Variants in NR1D1 observed in about 807,000 individuals in gnomAD.
NR1D1 encodes nuclear receptor subfamily 1 group D member 1, also known as Rev-ErbAalpha.
A neutral mutation model predicts 51.1 loss-of-function variants in NR1D1; 17 were observed. The ratio of observed to expected loss-of-function variants is 0.33; its 90% CI spans 0.23 to 0.50. The LOEUF (loss-of-function observed/expected upper bound fraction) is 0.50. NR1D1 is among the 20% of genes least tolerant of loss of function. The probability of loss-of-function intolerance (pLI) is 0.98; values close to 1 mark genes in which losing one functional copy is unlikely to be tolerated. For missense variants in NR1D1, 647 were observed against 830.4 expected (o/e 0.78, Z 2.71); for synonymous variants, 341 against 333.4 (o/e 1.02, Z -0.25).
Position 40,092,912 on chromosome 17 carries a change from G to A in NR1D1, c.*171C>T. 1 of 1,458,732 alleles carries A rather than the reference G, an allele frequency of 6.9e-7. No homozygotes were observed. 90.4% of individuals were successfully genotyped at this position (1,458,732 alleles called of 1,614,324 possible). A position where few individuals can be genotyped will look rare whatever the true frequency, so the allele number is the denominator to read the frequency against. On this transcript the variant is annotated 3_prime_UTR_variant, in exon 8 of 8. Transcript: ENST00000246672. ...GAGGGGAAGTTCGGTGATGGGGGAG[G>A]GAGGCAGGTATTTACAAGAAGGCTC... is the stretch of plus-strand genomic sequence containing the variant.
At chr17:40,099,997 T>G in intron 1 of NR1D1, 67 bp downstream of exon 1, 1 of 1,189,724 alleles carries the variant, frequency 8.4e-7, no homozygotes, top group Non-Finnish European at 1.3e-6. Context: ...TTCCTCTTTT[T>G]ATAAGGCGTA....
At chr17:40,094,890 C>G in intron 6 of NR1D1, 45 bp downstream of exon 6, 6 of 1,595,214 alleles carry the variant, frequency 3.8e-6, no homozygotes, top group Non-Finnish European at 4.3e-6. Flanking sequence ...AAGCGAAACT[C>G]TGTCTCAAAA....
In NR1D1 at chr17:40,093,726, C is replaced by T; in HGVS notation, c.1645+186G>A. The T allele has an allele frequency of 1.6e-6, 1 of 640,168 alleles. No homozygotes were observed. Among genetic ancestry groups the T allele is most frequent in the East Asian group, 2.7e-5 (1 of 36,594 alleles). The allele number at this position is 640,168 out of a possible 1,614,324, so 39.7% of individuals were successfully genotyped here. On this transcript the variant is annotated intron_variant, in intron 7 of 7. Coordinates refer to ENST00000246672, the MANE Select transcript of NR1D1 (RefSeq NM_021724.5). This position sits in a 1 kb window ranked among gnomAD's most constrained non-coding sequence, Gnocchi z 5.9. ...TCCTTGGTTCATGCTTCTACTGTGA[C>T]ACTTATCTCACTGTTTTATAATTAG...
At position 40,092,928 on chromosome 17, in the gene NR1D1, A is replaced by G. The variant is rs1476351778; in HGVS notation, c.*155T>C. On this transcript the variant is annotated 3_prime_UTR_variant, in exon 8 of 8. Transcript: ENST00000246672. ...ATGGGGGAGGGAGGCAGGTATTTAC[A>G]AGAAGGCTCAGGGGGCCAGAGGCTC... 14 of 1,508,856 alleles carry G rather than the reference A, an allele frequency of 9.3e-6. No homozygotes were observed. Among genetic ancestry groups the G allele is most frequent in the Non-Finnish European group, 1.2e-5 (14 of 1,128,096 alleles). The allele number at this position is 1,508,856 out of a possible 1,614,324, so 93.5% of individuals were successfully genotyped here. A position where few individuals can be genotyped will look rare whatever the true frequency, so the allele number is the denominator to read the frequency against.
In NR1D1 at chr17:40,096,232, G is replaced by A. The variant is rs561069941; in HGVS notation, c.605-145C>T. The A allele has an allele frequency of 5.2e-6, 7 of 1,345,424 alleles. No individual in the cohort carries two copies. The South Asian group carries it at 7.1e-5, about 14-fold the overall frequency. 83.3% of individuals were successfully genotyped at this position (1,345,424 alleles called of 1,614,324 possible). A position where few individuals can be genotyped will look rare whatever the true frequency, so the allele number is the denominator to read the frequency against. On this transcript the variant is annotated intron_variant, in intron 4 of 7. Transcript: ENST00000246672. Reference sequence around the variant, plus strand: ...CCAGCAAGTCCCCACCCATCAAGGGGGTTTCCCTAGGAGGGATTGCTGGTA... The same window carrying A: ...CCAGCAAGTCCCCACCCATCAAGGGAGTTTCCCTAGGAGGGATTGCTGGTA...
chr17:40,100,561 A>G lies in NR1D1; in HGVS notation c.-467T>C. On this transcript the variant is annotated 5_prime_UTR_variant, in exon 1 of 8. Transcript: ENST00000246672. ...AAAGAGGCGAGACGTGTGCCCTGCT[A>G]CGTTCCCTCGGCAGTAATATTTCAC... is the stretch of plus-strand genomic sequence containing the variant. The G allele has an allele frequency of 4.7e-6, 2 of 428,584 alleles. No individual in the cohort carries two copies. The highest frequency in any genetic ancestry group is 8.3e-6 in the Non-Finnish European group (2 of 242,220). The allele number at this position is 428,584 out of a possible 1,614,324, so 26.5% of individuals were successfully genotyped here. A position where few individuals can be genotyped will look rare whatever the true frequency, so the allele number is the denominator to read the frequency against.
chr17:40,095,456 CTTT>C lies in NR1D1; in HGVS notation c.1233_1235del (p.Lys412del), dbSNP rs2145100789. ...CCCATGCCCTTACCAGCAGAACATT[CTTT>C]GAGTTGCCCTGCCGGGGACTGTTGG... On this transcript the variant is annotated inframe_deletion, in exon 5 of 8. Coordinates refer to ENST00000246672, the MANE Select transcript of NR1D1 (RefSeq NM_021724.5). The C allele has an allele frequency of 6.5e-7, 1 of 1,526,738 alleles. No individual in the cohort carries two copies. Among genetic ancestry groups the C allele is most frequent in the South Asian group, 1.3e-5 (1 of 77,306 alleles). 94.6% of individuals were successfully genotyped at this position (1,526,738 alleles called of 1,614,324 possible).
At chr17:40,097,660 C>T (rs1987791994) in intron 1 of NR1D1, among the ~76,000 whole-genome samples, 1 of 152,236 alleles carries the variant, frequency 6.6e-6, no homozygotes, top group Non-Finnish European at 1.5e-5. Context: ...TGGCATCTCG[C>T]ATATGTGCCC....
rs145435357 is a variant in NR1D1 at position 40,095,661 on chromosome 17, T to G, written c.1031A>C (p.Asn344Thr). The G allele has an allele frequency of 9.6e-4, 1,554 of 1,611,968 alleles. 3 individuals are homozygous for G. The highest frequency in any genetic ancestry group is 1.1e-3 in the Non-Finnish European group (1,327 of 1,178,592). The change falls in exon 5 of 8, where the codon AAC becomes ACC. Residue 344 changes from asparagine to threonine, a missense_variant. Around this residue, in one of 7 missense-constraint regions of NR1D1, gnomAD observed 185 missense variants for 176.3 expected, o/e 1.05. Transcript: ENST00000246672. ...QGCPPAPNDN[N>T]TLAAQRHNEA... is the part of the protein sequence containing the mutation. ...GTTATGACGCTGGGCAGCCAAGGTG[T>G]TGTTGTCATTGGGGGCAGGTGGGCA... is the stretch of plus-strand genomic sequence containing the variant.
chr17:40,095,546 G>A lies in NR1D1; in HGVS notation c.1146C>T (p.Asn382=), dbSNP rs760024291. ...TGGGGCATAGACGGTGCCCGTTGCTGTTGGACTGGTGGCAGCTGTGGTGTG... is the reference window on the plus strand; with the variant it reads ...TGGGGCATAGACGGTGCCCGTTGCTATTGGACTGGTGGCAGCTGTGGTGTG... ...GPAHHSCHQS[N]SNGHRLCPTH... Residue 382 remains asparagine (N), a synonymous_variant, in exon 5 of 8, where the codon AAC becomes AAT. Transcript: ENST00000246672. The A allele has an allele frequency of 2.5e-6, 4 of 1,606,440 alleles. No individual in the cohort carries two copies. Among genetic ancestry groups the A allele is most frequent in the South Asian group, 2.2e-5 (2 of 90,006 alleles).
Position 40,093,876 on chromosome 17 carries a change from G to C in NR1D1, c.1645+36C>G. On this transcript the variant is annotated intron_variant, in intron 7 of 7. Coordinates refer to ENST00000246672, the MANE Select transcript of NR1D1 (RefSeq NM_021724.5). This position sits in a 1 kb window ranked among gnomAD's most constrained non-coding sequence, Gnocchi z 5.9. ...AGGTGTGTTGAATTGAACTGCGTCT[G>C]CCTCCTCCCCCGGGTCAGGCGAGAG... is the stretch of plus-strand genomic sequence containing the variant. 6.3e-7 allele frequency: 1 copy of C among 1,596,132 alleles called. No homozygotes were observed. Among genetic ancestry groups the C allele is most frequent in the Admixed American group, 1.7e-5 (1 of 59,876 alleles).
chr17:40,094,021 GCCCAT>G lies in NR1D1; in HGVS notation c.1531_1535del (p.Met511HisfsTer142), dbSNP rs1987692011. ...ACATGGCACTGAGCAGGTCTCCCAT[GCCCAT>G]GGCACCAAGCTCCTGCAGGCTGTAG... On this transcript the variant is annotated frameshift_variant, in exon 7 of 8. Coordinates refer to ENST00000246672, the MANE Select transcript of NR1D1 (RefSeq NM_021724.5). LOFTEE classifies it high-confidence loss of function. 1 of 1,613,966 alleles carries G rather than the reference GCCCAT, an allele frequency of 6.2e-7. No individual in the cohort carries two copies.
rs201672518 is a variant in NR1D1, at chr17:40,100,459, G to A, written c.-365C>T. On this transcript the variant is annotated 5_prime_UTR_variant, in exon 1 of 8. Transcript: ENST00000246672. ...CGGGGTGGCGAATCTGGAGCTCCCG[G>A]TGCAAAAGTCCCAGAGGAAGAGAGG... The A allele has an allele frequency of 4.3e-6, 2 of 463,784 alleles. No individual in the cohort carries two copies. The highest frequency in any genetic ancestry group is 7.6e-6 in the Non-Finnish European group (2 of 261,964). The allele number at this position is 463,784 out of a possible 1,614,324, so 28.7% of individuals were successfully genotyped here.
Position 40,095,536 on chromosome 17 carries a change from G to A in NR1D1, c.1156C>T (p.His386Tyr), listed in dbSNP as rs1194993538. Reference protein sequence around the residue: ...HSCHQSNSNGHRLCPTHVYAA... With the variant: ...HSCHQSNSNGYRLCPTHVYAA... ...TACACGTGGGTGGGGCATAGACGGT[G>A]CCCGTTGCTGTTGGACTGGTGGCAG... is the stretch of plus-strand genomic sequence containing the variant. The change falls in exon 5 of 8, where the codon CAC becomes TAC. Residue 386 changes from histidine to tyrosine, a missense_variant. Transcript: ENST00000246672. The A allele has an allele frequency of 1.2e-6, 2 of 1,602,658 alleles. No homozygotes were observed. The highest frequency in any genetic ancestry group is 2.2e-5 in the East Asian group (1 of 44,726).
rs200661266 is a variant in NR1D1, at chr17:40,097,094, G to A, written c.341C>T (p.Ser114Phe). The A allele has an allele frequency of 1.2e-6, 2 of 1,604,652 alleles. No homozygotes were observed. Among genetic ancestry groups the A allele is most frequent in the Admixed American group, 3.4e-5 (2 of 58,778 alleles). The change falls in exon 2 of 8, where the codon TCC becomes TTC. Residue 114 changes from serine to phenylalanine, a missense_variant. Transcript: ENST00000246672. The part of the protein sequence containing the change: ...QVAMEDSSRV[S>F]PSKSTSNITK... ...GATGTTGCTGGTGCTCTTGCTGGGG[G>A]ACACTCGGCTGCTGTCCTCCATGGC...
chr17:40,092,835 C>T lies in NR1D1; in HGVS notation c.*248G>A, dbSNP rs1987632916. On this transcript the variant is annotated 3_prime_UTR_variant, in exon 8 of 8. Transcript: ENST00000246672. Reference sequence around the variant, plus strand: ...GATTTGAGACAGGAACAGAACAAATCAGAGGGCCAGGGGAGGGTTGTGGGG... The same window carrying T: ...GATTTGAGACAGGAACAGAACAAATTAGAGGGCCAGGGGAGGGTTGTGGGG... 39 of 835,554 alleles carry T rather than the reference C, an allele frequency of 4.7e-5. No individual in the cohort carries two copies. The South Asian group carries it at 6.8e-4, about 15-fold the overall frequency. The allele number at this position is 835,554 out of a possible 1,614,324, so 51.8% of individuals were successfully genotyped here. A position where few individuals can be genotyped will look rare whatever the true frequency, so the allele number is the denominator to read the frequency against.
Position 40,093,657 on chromosome 17 carries a change from ACCT to A in NR1D1, c.1645+252_1645+254del, listed in dbSNP as rs2145097842. 3.1e-6 allele frequency: 2 copies of A among 646,320 alleles called. No individual in the cohort carries two copies. The highest frequency in any genetic ancestry group is 2.7e-5 in the East Asian group (1 of 36,478). The allele number at this position is 646,320 out of a possible 1,614,324, so 40.0% of individuals were successfully genotyped here. ...CCTTTGAGGCCCCAACTCAAGTGTCACCTCCTTCCCCAGCTCCCCCAGGCAGAA... is the reference window on the plus strand; with the variant it reads ...CCTTTGAGGCCCCAACTCAAGTGTCACCTTCCCCAGCTCCCCCAGGCAGAA... On this transcript the variant is annotated intron_variant, in intron 7 of 7. Transcript: ENST00000246672. This position sits in a 1 kb window ranked among gnomAD's most constrained non-coding sequence, Gnocchi z 5.9.
At position 40,100,407 on chromosome 17, in the gene NR1D1, C is replaced by A; in HGVS notation, c.-313G>T. ...TCGGGTCTCTGCAGTGTACGGGGTG[C>A]CTCTGCCTGCCGGCTCCGCAGCGCT... On this transcript the variant is annotated 5_prime_UTR_variant, in exon 1 of 8. Transcript: ENST00000246672. 4.3e-6 allele frequency: 2 copies of A among 466,466 alleles called. No homozygotes were observed. Among genetic ancestry groups the A allele is most frequent in the South Asian group, 4.1e-5 (1 of 24,478 alleles). The allele number at this position is 466,466 out of a possible 1,614,324, so 28.9% of individuals were successfully genotyped here.
chr17:40,096,298 G>C, intron 4 of NR1D1, 145 bp downstream of exon 4: 2 of 1,330,720 alleles, frequency 1.5e-6, no homozygotes, highest in Non-Finnish European at 2.1e-6. Flanking sequence ...AGTATATGTT[G>C]ACCCAAGCAA....
Sources: gnomAD v4.1 joint callset for allele counts (sites outside exome capture counted in the v4.1 genomes callset) on GRCh38, gnomAD v4.1.1 for gene constraint, gnomAD v4.1.1 regional missense constraint, Gnocchi (gnomAD v3.1) non-coding constraint, MANE v1.5 for transcripts, NCBI Gene and HGNC (gene_info 2026-07-23, HGNC 2026-07-21) for gene names.